Variants in MICAL3 observed in about 807,000 individuals in gnomAD.
The protein encoded by MICAL3 is microtubule associated monooxygenase, calponin and LIM domain containing 3.
Under a neutral mutation model 207.4 loss-of-function variants are expected in MICAL3, and 62 were observed. The ratio of observed to expected loss-of-function variants is 0.30; its 90% CI spans 0.24 to 0.37. The LOEUF (loss-of-function observed/expected upper bound fraction) is 0.37, where lower values mean the gene tolerates loss of function less well. MICAL3 is among the 10% of genes least tolerant of loss of function. The pLI is 1.00. For missense variants in MICAL3, 2,368 were observed against 2,635.6 expected (o/e 0.90, Z 2.22); for synonymous variants, 1,077 against 1,069.3 (o/e 1.01, Z -0.14).
At position 17,830,395 on chromosome 22, in the gene MICAL3, G is replaced by A. The variant is rs78358452; in HGVS notation, c.3055+1459C>T. On this transcript the variant is annotated intron_variant, in intron 21 of 31. Coordinates refer to ENST00000441493, the MANE Select transcript of MICAL3 (RefSeq NM_015241.3). ...CTTTTCCTACAGGTTTGGTCTTGAC[G>A]TTAGCACTAAGTCCAGGAAATTAAG... Among the ~76,000 whole-genome samples, 1,451 of 152,324 alleles carry A rather than the reference G, an allele frequency of 9.5e-3. 21 individuals are homozygous for A. The highest frequency in any genetic ancestry group is 0.033 in the African/African-American group (1,385 of 41,556).
chr22:17,791,163 C>T, intron 30 of MICAL3, 39 bp downstream of exon 30: 1 of 1,609,162 alleles, frequency 6.2e-7, no homozygotes. Context: ...CCGGCTGTGA[C>T]AAGCATAGCG....
At chr22:17,920,458 T>A (rs1932776817) in intron 1 of MICAL3, among the ~76,000 whole-genome samples, 1 of 152,170 alleles carries the variant, frequency 6.6e-6, no homozygotes, top group Non-Finnish European at 1.5e-5. Context: ...GGCTTTCAAG[T>A]GAGACAGGCT....
At chr22:17,878,794 A>T (rs1222571704) in intron 16 of MICAL3, among the ~76,000 whole-genome samples, 1 of 152,180 alleles carries the variant, frequency 6.6e-6, no homozygotes, top group Non-Finnish European at 1.5e-5. Context: ...TCAGTGTTTC[A>T]GAAAAGACTA....
chr22:17,898,662 C>G (rs940216983), intron 7 of MICAL3, among the ~76,000 whole-genome samples: 1 of 152,190 alleles, frequency 6.6e-6, no homozygotes, highest in Non-Finnish European at 1.5e-5. Context: ...TTTTTCTCAT[C>G]GCATGGGGAC....
chr22:17,828,412 A>T (rs1243332642), intron 21 of MICAL3, among the ~76,000 whole-genome samples: 9 of 152,232 alleles, frequency 5.9e-5, no homozygotes, highest in Non-Finnish European at 1.0e-4. Context: ...GGAGAGAAAA[A>T]GTCCCCGTCC....
chr22:17,862,600 T>C, intron 19 of MICAL3: 9 of 985,388 alleles, frequency 9.1e-6, no homozygotes, highest in Non-Finnish European at 1.1e-5. Flanking sequence ...GGAAGTCTAG[T>C]TAAGTCCTCA....
chr22:17,836,746 G>A (rs1221947621), intron 20 of MICAL3, among the ~76,000 whole-genome samples: 2 of 151,240 alleles, frequency 1.3e-5, no homozygotes, highest in African/African-American at 2.4e-5. Context: ...CCAGGTTCAC[G>A]CCATTCTCCT....
intron 1 of MICAL3, among the ~76,000 whole-genome samples, chr22:17,998,609 G>GC (rs5844345): frequency 0.012 from 1,864 of 150,888 alleles, 15 homozygotes; most frequent in Non-Finnish European, 0.019. Context: ...AGGCTGGAGA[G>GC]CAGTGGCGTG....
intron 1 of MICAL3, among the ~76,000 whole-genome samples, chr22:17,926,555 C>T (rs1328394811): frequency 6.6e-6 from 1 of 152,208 alleles, no homozygotes; most frequent in African/African-American, 2.4e-5. Context: ...ATATTCTGCT[C>T]CAACTCAGGT....
At chr22:17,885,553 A>G (rs1463623341) in intron 16 of MICAL3, among the ~76,000 whole-genome samples, 3 of 152,210 alleles carry the variant, frequency 2.0e-5, no homozygotes, top group Non-Finnish European at 4.4e-5. Flanking sequence ...CATTTTCCTC[A>G]GTAAGTGTGT....
At position 17,885,849 on chromosome 22, in the gene MICAL3, G is replaced by A. The variant is rs78679281; in HGVS notation, c.2241+29C>T. 2.0e-3 allele frequency: 3,162 copies of A among 1,608,954 alleles called. 46 individuals are homozygous for A. In the African/African-American group the frequency reaches 0.035, roughly 18 times the overall value. ...CCTTCTTGTGTGATCTGACCAAATCGGTGTGGGCAGGGCACGGGTTGGGTT... is the reference window on the plus strand; with the variant it reads ...CCTTCTTGTGTGATCTGACCAAATCAGTGTGGGCAGGGCACGGGTTGGGTT... On this transcript the variant is annotated intron_variant, in intron 16 of 31. Transcript: ENST00000441493.
At chr22:17,836,414 G>A (rs982680190) in intron 20 of MICAL3, among the ~76,000 whole-genome samples, 2 of 152,186 alleles carry the variant, frequency 1.3e-5, no homozygotes, top group South Asian at 2.1e-4. Flanking sequence ...AGGAGAAGTC[G>A]GGATTCCCAC....
At chr22:17,821,660 C>T (rs7286597) in intron 24 of MICAL3, among the ~76,000 whole-genome samples, 151 bp from the exon 25 acceptor site, 8,022 of 152,322 alleles carry the variant, frequency 0.053, 468 homozygotes, top group African/African-American at 0.15. Flanking sequence ...CAGGTTCTCT[C>T]AGAGGCCAGG....
Position 17,896,314 on chromosome 22 carries a change from A to C in MICAL3, c.1254T>G (p.Ala418=), listed in dbSNP as rs1339845422. 3.2e-6 allele frequency: 5 copies of C among 1,561,384 alleles called. No individual in the cohort carries two copies. Among genetic ancestry groups the C allele is most frequent in the Non-Finnish European group, 4.3e-6 (5 of 1,152,206 alleles). The stretch of plus-strand genomic sequence containing the variant: ...TTCGGACCATCCAGGCAGAGTCCAT[A>C]GCAGCTAGAAAGCCCCGGGCTATTC... The part of the protein sequence containing the change: ...GTGIARGFLA[A]MDSAWMVRSW... The change falls in exon 9 of 32, where the codon GCT becomes GCG. Residue 418 remains alanine (A), a synonymous_variant. Coordinates refer to ENST00000441493, the MANE Select transcript of MICAL3 (RefSeq NM_015241.3).
At chr22:17,914,581 G>C (rs994317963) in intron 1 of MICAL3, among the ~76,000 whole-genome samples, 1 of 152,190 alleles carries the variant, frequency 6.6e-6, no homozygotes, top group South Asian at 2.1e-4. Context: ...CCCGAGAGCA[G>C]GAACTTGCCT....
Position 17,818,640 on chromosome 22 carries a change from T to C in MICAL3, c.4021A>G (p.Thr1341Ala). The C allele has an allele frequency of 6.2e-7, 1 of 1,613,630 alleles. No homozygotes were observed. The highest frequency in any genetic ancestry group is 8.5e-7 in the Non-Finnish European group (1 of 1,179,896). ...SAEIRRSLGL[T>A]PVDRSKGPEP... is the part of the protein sequence containing the mutation. ...GGCCCCTTGCTGCGGTCCACAGGTGTGAGCCCGAGGCTGCGGCGGATCTCC... is the reference window on the plus strand; with the variant it reads ...GGCCCCTTGCTGCGGTCCACAGGTGCGAGCCCGAGGCTGCGGCGGATCTCC... Residue 1341 changes from threonine to alanine, a missense_variant, in exon 26 of 32, where the codon ACA becomes GCA. This residue lies in a region of MICAL3 where 1,770 missense variants were observed against 1,863.2 expected (regional missense o/e 0.95). Transcript: ENST00000441493.
chr22:17,794,081 G>C (rs1417455402), intron 29 of MICAL3, among the ~76,000 whole-genome samples: 2 of 152,220 alleles, frequency 1.3e-5, no homozygotes, highest in African/African-American at 4.8e-5. Context: ...GCATCACAGA[G>C]GGGGCGGGGG....
intron 1 of MICAL3, among the ~76,000 whole-genome samples, chr22:18,001,670 G>A (rs906795787): frequency 6.6e-6 from 1 of 152,250 alleles, no homozygotes; most frequent in Non-Finnish European, 1.5e-5. Context: ...AGTCTTGCCA[G>A]AATCTCACGG....
intron 19 of MICAL3, among the ~76,000 whole-genome samples, chr22:17,856,825 G>A (rs1268640396): frequency 6.6e-6 from 1 of 151,938 alleles, no homozygotes; most frequent in Non-Finnish European, 1.5e-5. Context: ...GTTTCACCTT[G>A]TTAGCCAGGA....
Sources: gnomAD v4.1 joint callset for allele counts (sites outside exome capture counted in the v4.1 genomes callset) on GRCh38, gnomAD v4.1.1 for gene constraint, gnomAD v4.1.1 regional missense constraint, MANE v1.5 for transcripts, NCBI Gene and HGNC (gene_info 2026-07-23, HGNC 2026-07-21) for gene names.